The following CEP63 variants were observed in gnomAD, a reference collection of about 807,000 sequenced individuals.
CEP63 encodes centrosomal protein 63.
A neutral mutation model predicts 89.1 loss-of-function variants in CEP63; 84 were observed. The ratio of observed to expected loss-of-function variants is 0.94; its 90% CI spans 0.79 to 1.13. CEP63 has a LOEUF of 1.13. Among genes scored for constraint, CEP63 ranks in the 50% most tolerant of loss-of-function variants. CEP63 has a pLI of 0.00. For synonymous variants in CEP63, 267 were observed against 272.5 expected (o/e 0.98, Z 0.20); for missense variants, 838 against 813.3 (o/e 1.03, Z -0.37).
intron 6 of CEP63, among the ~76,000 whole-genome samples, chr3:134,545,325 T>G (rs1953033832): frequency 6.6e-6 from 1 of 151,858 alleles, no homozygotes; most frequent in Admixed American, 6.6e-5. Flanking sequence ...AAGACAGGGT[T>G]TCGCCATGTT....
chr3:134,721,952 G>T, the CEP63 span, among the ~76,000 whole-genome samples: 18 of 152,126 alleles, frequency 1.2e-4, no homozygotes, highest in Non-Finnish European at 1.9e-4. Context: ...TGATATCTTT[G>T]TCTGGTTTTG....
At chr3:134,530,597 T>C (rs1268570587) in intron 3 of CEP63, among the ~76,000 whole-genome samples, 1 of 152,194 alleles carries the variant, frequency 6.6e-6, no homozygotes, top group Non-Finnish European at 1.5e-5. Context: ...TGGTTAAATT[T>C]ATCATTTTAA....
chr3:134,609,211 G>T, the CEP63 span, among the ~76,000 whole-genome samples: 1 of 152,190 alleles, frequency 6.6e-6, no homozygotes, highest in Non-Finnish European at 1.5e-5. Context: ...TGAATTCACT[G>T]CCTCCATCTA....
intron 3 of CEP63, among the ~76,000 whole-genome samples, 182 bp downstream of exon 3, chr3:134,507,468 C>T (rs1943758504): frequency 6.6e-6 from 1 of 151,812 alleles, no homozygotes; most frequent in Non-Finnish European, 1.5e-5. Flanking sequence ...AGAATGTTAT[C>T]ATTTATTTCA....
intron 11 of CEP63, among the ~76,000 whole-genome samples, chr3:134,574,055 G>C (rs193040550): frequency 1.3e-5 from 2 of 152,288 alleles, no homozygotes; most frequent in South Asian, 4.1e-4. Context: ...ATGCAGCCTC[G>C]TGGGCTGGCT....
chr3:134,638,426 C>T, the CEP63 span, among the ~76,000 whole-genome samples: 1 of 152,190 alleles, frequency 6.6e-6, no homozygotes, highest in Non-Finnish European at 1.5e-5. Context: ...TGACTATTAA[C>T]CACCACAACC....
At chr3:134,679,702 C>T in the CEP63 span, among the ~76,000 whole-genome samples, 2 of 152,130 alleles carry the variant, frequency 1.3e-5, no homozygotes, top group South Asian at 2.1e-4. Context: ...AGGGTGGGCT[C>T]TAATCCAACA....
the CEP63 span, chr3:134,608,542 G>A: frequency 6.9e-5 from 110 of 1,604,822 alleles, no homozygotes; most frequent in Middle Eastern, 3.3e-4. Context: ...CAAGCCATGC[G>A]TCTGGAAGGG....
the CEP63 span, among the ~76,000 whole-genome samples, chr3:134,741,536 A>G: frequency 6.6e-6 from 1 of 152,090 alleles, no homozygotes; most frequent in Non-Finnish European, 1.5e-5. Flanking sequence ...GCTCTGATCC[A>G]ATTAATCAGT....
the CEP63 span, among the ~76,000 whole-genome samples, chr3:134,637,263 G>T: frequency 6.6e-6 from 1 of 152,176 alleles, no homozygotes; most frequent in African/African-American, 2.4e-5. Flanking sequence ...GGGTGCTATC[G>T]CCATCAGCAG....
Position 134,564,329 on chromosome 3 carries a change from A to C in CEP63, c.*2794A>C, listed in dbSNP as rs886817623. The C allele has an allele frequency of 5.1e-6, 5 of 984,812 alleles. No homozygotes were observed. Among genetic ancestry groups the C allele is most frequent in the Non-Finnish European group, 6.0e-6 (5 of 829,866 alleles). 61.0% of individuals were successfully genotyped at this position (984,812 alleles called of 1,614,324 possible). ...CCTTCAGTTTGTCTCCTCTTCCCACACCCTGTCATGTGCTCCTAAAACTCC... is the reference window on the plus strand; with the variant it reads ...CCTTCAGTTTGTCTCCTCTTCCCACCCCCTGTCATGTGCTCCTAAAACTCC... On this transcript the variant is annotated 3_prime_UTR_variant, in exon 15 of 15. Transcript: ENST00000675561.
chr3:134,670,240 G>T, the CEP63 span, among the ~76,000 whole-genome samples: 1 of 152,014 alleles, frequency 6.6e-6, no homozygotes, highest in African/African-American at 2.4e-5. Context: ...TATTTTCACA[G>T]AAAGTTTTAC....
chr3:134,775,192 A>G, the CEP63 span, among the ~76,000 whole-genome samples: 1 of 152,142 alleles, frequency 6.6e-6, no homozygotes, highest in East Asian at 1.9e-4. Context: ...CTATAAGCAG[A>G]GCCTGAGACA....
the CEP63 span, chr3:134,608,265 CT>C: frequency 8.3e-7 from 1 of 1,200,242 alleles, no homozygotes; most frequent in Non-Finnish European, 1.1e-6. Context: ...TGACGTAGTC[CT>C]TTTCCCTGCT....
At chr3:134,602,117 G>A in the CEP63 span, among the ~76,000 whole-genome samples, 7 of 152,176 alleles carry the variant, frequency 4.6e-5, no homozygotes, top group Non-Finnish European at 7.4e-5. Context: ...GCCAGGCAGT[G>A]CTGGCTCTCA....
At chr3:134,684,264 C>T in the CEP63 span, among the ~76,000 whole-genome samples, 1 of 152,194 alleles carries the variant, frequency 6.6e-6, no homozygotes, top group Non-Finnish European at 1.5e-5. Context: ...GTTCCAACTG[C>T]AGGGAACTAT....
At chr3:134,575,214 C>A (rs56964343), downstream of CEP63, among the ~76,000 whole-genome samples, 1 of 58,726 alleles carries the variant, frequency 1.7e-5, no homozygotes, top group Admixed American at 2.2e-4. Context: ...TCCCTCCCTC[C>A]CTCCCTCCCT....
the CEP63 span, among the ~76,000 whole-genome samples, chr3:134,692,396 A>G: frequency 6.6e-6 from 1 of 151,634 alleles, no homozygotes; most frequent in African/African-American, 2.4e-5. Flanking sequence ...GTTTGCTAAG[A>G]ATGATGGTTT....
upstream of CEP63, chr3:134,486,009 G>A: frequency 4.1e-6 from 3 of 725,634 alleles, no homozygotes; most frequent in Non-Finnish European, 4.9e-6. Flanking sequence ...CCCCTCCCCC[G>A]CATCACGTGT....
Sources: allele counts gnomAD v4.1 joint callset (sites outside exome capture counted in the v4.1 genomes callset), GRCh38; gene constraint gnomAD v4.1.1; transcripts MANE v1.5; gene names NCBI Gene and HGNC (gene_info 2026-07-23, HGNC 2026-07-21).